The following DNTT variants were observed in gnomAD, a reference collection of about 807,000 sequenced individuals.
The protein encoded by DNTT is nucleosidetriphosphate:DNA deoxynucleotidylexotransferase.
In DNTT, 47 loss-of-function variants were observed where a neutral mutation model predicts 60.9. The observed-to-expected ratio is 0.77, with a 90% CI of 0.61 to 0.98. The LOEUF (loss-of-function observed/expected upper bound fraction) is 0.98. Among genes scored for constraint, DNTT ranks in the 50% least tolerant of loss-of-function variants. The pLI, the probability that DNTT is intolerant of heterozygous loss-of-function variation, is 0.00. For synonymous variants in DNTT, 224 were observed against 221.2 expected (o/e 1.01, Z -0.11); for missense variants, 665 against 627.5 (o/e 1.06, Z -0.64).
At chr10:96,309,986 G>C (rs1451863658) in intron 1 of DNTT, among the ~76,000 whole-genome samples, 1 of 152,172 alleles carries the variant, frequency 6.6e-6, no homozygotes, top group Non-Finnish European at 1.5e-5. Flanking sequence ...CCTTCAAAGA[G>C]GTAACTCCGA....
At chr10:96,306,252 A>G (rs1303957283) in intron 1 of DNTT, among the ~76,000 whole-genome samples, 1 of 151,860 alleles carries the variant, frequency 6.6e-6, no homozygotes, top group Non-Finnish European at 1.5e-5. Flanking sequence ...CGCCACCACA[A>G]TCAGCTAATT....
intron 7 of DNTT, among the ~76,000 whole-genome samples, chr10:96,328,293 G>A (rs1277996160): frequency 3.3e-5 from 5 of 152,090 alleles, no homozygotes; most frequent in Admixed American, 2.0e-4. Flanking sequence ...AACAAAATAG[G>A]TTTGGGGCAA....
intron 1 of DNTT, among the ~76,000 whole-genome samples, chr10:96,309,124 T>C (rs1844679238): frequency 1.3e-5 from 2 of 152,150 alleles, no homozygotes; most frequent in African/African-American, 4.8e-5. Flanking sequence ...TACCTAGCCG[T>C]TTAACACTTG....
intron 9 of DNTT, among the ~76,000 whole-genome samples, chr10:96,335,422 A>G (rs768599417): frequency 1.3e-5 from 2 of 152,152 alleles, no homozygotes; most frequent in African/African-American, 2.4e-5. Context: ...GGGAGTCTGG[A>G]TGACTTGACA....
At chr10:96,320,199 C>T (rs968810148) in intron 3 of DNTT, among the ~76,000 whole-genome samples, 3 of 152,198 alleles carry the variant, frequency 2.0e-5, no homozygotes, top group Non-Finnish European at 4.4e-5. Context: ...CCTACGACTA[C>T]ACTCATTCAT....
At chr10:96,314,582 T>G (rs1589370447) in intron 1 of DNTT, among the ~76,000 whole-genome samples, 1 of 149,894 alleles carries the variant, frequency 6.7e-6, no homozygotes, top group African/African-American at 2.5e-5. Context: ...CCAGCTAATT[T>G]TTTGTATTTT....
At chr10:96,326,255 T>C (rs1469369772) in intron 6 of DNTT, among the ~76,000 whole-genome samples, 2 of 152,232 alleles carry the variant, frequency 1.3e-5, no homozygotes, top group Non-Finnish European at 2.9e-5. Flanking sequence ...GCATTGCTTC[T>C]TAGATCAAAC....
chr10:96,326,057 T>G (rs1393065034), intron 6 of DNTT, among the ~76,000 whole-genome samples: 3 of 152,250 alleles, frequency 2.0e-5, no homozygotes, highest in Admixed American at 6.5e-5. Flanking sequence ...CTTTCATGGA[T>G]GTCAACAAAT....
chr10:96,317,769 A>G (rs10786276), intron 1 of DNTT, among the ~76,000 whole-genome samples: 118,680 of 152,142 alleles, frequency 0.78, 50,066 homozygotes, highest in Non-Finnish European at 0.95. Flanking sequence ...TTGATCATGG[A>G]CTTTCCAGCC....
intron 1 of DNTT, among the ~76,000 whole-genome samples, chr10:96,310,127 C>T (rs1844696404): frequency 1.3e-5 from 2 of 152,330 alleles, no homozygotes; most frequent in African/African-American, 2.4e-5. Context: ...GGGACCAACC[C>T]CCCTACTACC....
chr10:96,320,750 A>T lies in DNTT; in HGVS notation c.640A>T (p.Ile214Phe). ...CATCAGTATGAAGGACACAGAAGGAATTCCCTGCCTGGGGTCCAAGGTGAA... is the reference window on the plus strand; with the variant it reads ...CATCAGTATGAAGGACACAGAAGGATTTCCCTGCCTGGGGTCCAAGGTGAA... The part of the protein sequence containing the change: ...TIISMKDTEG[I>F]PCLGSKVKGI... The change falls in exon 4 of 11, where the codon ATT becomes TTT. Residue 214 changes from isoleucine to phenylalanine, a missense_variant. Physicochemically the swap from Ile to Phe is conservative, Grantham distance 21 (BLOSUM62 0). Transcript: ENST00000371174. The T allele has an allele frequency of 6.2e-7, 1 of 1,613,824 alleles. No individual in the cohort carries two copies. The highest frequency in any genetic ancestry group is 1.1e-5 in the South Asian group (1 of 91,064).
chr10:96,310,309 A>T lies in DNTT; in HGVS notation c.203+5609A>T, dbSNP rs114474611. ...CTTTGTTAATCTTTGGCAATGTTCTATTCTACACTTCAAATTTATGGTGTC... is the reference window on the plus strand; with the variant it reads ...CTTTGTTAATCTTTGGCAATGTTCTTTTCTACACTTCAAATTTATGGTGTC... On this transcript the variant is annotated intron_variant, in intron 1 of 10. Coordinates refer to ENST00000371174, the MANE Select transcript of DNTT (RefSeq NM_004088.4). 7.9e-3 allele frequency among the ~76,000 whole-genome samples: 1,196 copies of T among 152,330 alleles called. 24 individuals are homozygous for T. Among genetic ancestry groups the T allele is most frequent in the African/African-American group, 0.027 (1,113 of 41,566 alleles).
In DNTT at chr10:96,314,747, A is replaced by G. The variant is rs181571233; in HGVS notation, c.204-3605A>G. 2.4e-4 allele frequency among the ~76,000 whole-genome samples: 36 copies of G among 152,168 alleles called. No individual in the cohort carries two copies. The East Asian group carries it at 5.2e-3, about 22-fold the overall frequency. ...TTTTTAGATGGGGATGATCATATCT[A>G]TCTCATGGCATTATTGATAATTAAA... On this transcript the variant is annotated intron_variant, in intron 1 of 10. Transcript: ENST00000371174.
intron 8 of DNTT, among the ~76,000 whole-genome samples, chr10:96,331,528 G>A (rs750270518): frequency 2.0e-4 from 30 of 152,102 alleles, no homozygotes; most frequent in Non-Finnish European, 3.8e-4. Context: ...GTGGGGAGGG[G>A]CCAGGCTCTT....
chr10:96,337,486 G>A (rs1480319098), intron 10 of DNTT, among the ~76,000 whole-genome samples: 1 of 152,206 alleles, frequency 6.6e-6, no homozygotes, highest in African/African-American at 2.4e-5. Flanking sequence ...GTGGGTGAAG[G>A]CAGATTCACA....
At chr10:96,336,104 A>G in intron 10 of DNTT, 130 bp downstream of exon 10, 1 of 888,540 alleles carries the variant, frequency 1.1e-6, no homozygotes, top group Non-Finnish European at 1.8e-6. Flanking sequence ...TTTCCAGTTC[A>G]TCATAGTTGA....
In DNTT at chr10:96,332,353, A is replaced by G. The variant is rs1430968971; in HGVS notation, c.1116A>G (p.Gly372=). The change falls in exon 9 of 11, where the codon GGA becomes GGG. Residue 372 remains glycine (G), a splice_region_variant and synonymous_variant. Coordinates refer to ENST00000371174, the MANE Select transcript of DNTT (RefSeq NM_004088.4). ...GATGCCATTCTGTTTCTTTTCAGGGATTACTTTTATATTATGACCTTGTGG... is the reference window on the plus strand; with the variant it reads ...GATGCCATTCTGTTTCTTTTCAGGGGTTACTTTTATATTATGACCTTGTGG... The part of the protein sequence containing the change: ...QKVMNLWEKK[G]LLLYYDLVES... The G allele has an allele frequency of 6.2e-7, 1 of 1,612,138 alleles. No homozygotes were observed. Among genetic ancestry groups the G allele is most frequent in the African/African-American group, 1.3e-5 (1 of 74,788 alleles).
In DNTT at chr10:96,306,240, C is replaced by T. The variant is rs1016129523; in HGVS notation, c.203+1540C>T. Among the ~76,000 whole-genome samples the T allele has an allele frequency of 2.0e-5, 3 of 151,968 alleles. No individual in the cohort carries two copies. The South Asian group carries it at 6.2e-4, about 32-fold the overall frequency. ...TCCCAAGTAGCTGGGACTACGGACA[C>T]GCGCCACCACAATCAGCTAATTTTT... On this transcript the variant is annotated intron_variant, in intron 1 of 10. Transcript: ENST00000371174.
chr10:96,324,534 C>A, intron 6 of DNTT, 145 bp downstream of exon 6: 2 of 1,270,512 alleles, frequency 1.6e-6, no homozygotes, highest in Non-Finnish European at 2.2e-6. Flanking sequence ...AATCCTAGCT[C>A]CAGCAGTTTC....
Sources: allele counts gnomAD v4.1 joint callset (sites outside exome capture counted in the v4.1 genomes callset), GRCh38; gene constraint gnomAD v4.1.1; transcripts MANE v1.5; gene names NCBI Gene and HGNC (gene_info 2026-07-23, HGNC 2026-07-21).